PTPN12: variants seen among roughly 807,000 people sequenced by gnomAD.
The protein encoded by PTPN12 is tyrosine-protein phosphatase non-receptor type 12.
Under a neutral mutation model 97.6 loss-of-function variants are expected in PTPN12, and 29 were observed. The ratio of observed to expected loss-of-function variants is 0.30; its 90% CI spans 0.22 to 0.41. PTPN12 has a LOEUF of 0.41. PTPN12 is among the 10% of genes least tolerant of loss of function. PTPN12 has a pLI of 1.00. For missense variants in PTPN12, 819 were observed against 926.0 expected, an observed-to-expected ratio of 0.88 and a Z score of 1.50; for synonymous variants, 327 against 300.4, an observed-to-expected ratio of 1.09 and a Z score of -0.91.
At chr7:77,605,846 A>G (rs775452649) in intron 8 of PTPN12, among the ~76,000 whole-genome samples, 15 of 151,442 alleles carry the variant, frequency 9.9e-5, no homozygotes, top group Middle Eastern at 7.0e-3. Flanking sequence ...CTGTTGCTCA[A>G]TCCGTTTTCT....
chr7:77,559,403 T>G (rs117228665), intron 1 of PTPN12, among the ~76,000 whole-genome samples: 1 of 152,220 alleles, frequency 6.6e-6, no homozygotes. Context: ...GTTTTTTACA[T>G]GTGTGTATTA....
chr7:77,627,017 A>G lies in PTPN12; in HGVS notation c.1338A>G (p.Gly446=). Residue 446 remains glycine, a synonymous_variant, in exon 13 of 18, where the codon GGA becomes GGG. Transcript: ENST00000248594. The part of the protein sequence containing the change: ...FEIKKVPLQE[G]PKSFDGNTLL... The stretch of plus-strand genomic sequence containing the variant: ...TTAAGAAGGTCCCTCTCCAAGAGGG[A>G]CCAAAAAGTTTTGATGGGAACACAC... 6.2e-7 allele frequency: 1 copy of G among 1,607,958 alleles called. No homozygotes were observed. The highest frequency in any genetic ancestry group is 8.5e-7 in the Non-Finnish European group (1 of 1,178,158).
intron 13 of PTPN12, among the ~76,000 whole-genome samples, chr7:77,628,653 T>C (rs764264891): frequency 6.6e-6 from 1 of 151,602 alleles, no homozygotes; most frequent in Non-Finnish European, 1.5e-5. Flanking sequence ...AGATCTCGGC[T>C]CAGCCTCCCA....
chr7:77,610,856 T>A lies in PTPN12; in HGVS notation c.840+14T>A. 6.3e-7 allele frequency: 1 copy of A among 1,595,698 alleles called. No homozygotes were observed. The highest frequency in any genetic ancestry group is 8.5e-7 in the Non-Finnish European group (1 of 1,175,304). On this transcript the variant is annotated intron_variant, in intron 10 of 17. Coordinates refer to ENST00000248594, the MANE Select transcript of PTPN12 (RefSeq NM_002835.4). ...GTACAAACAAAGGTATAGTTGTTTG[T>A]TTCCCTTTATAAACTGCTATTTTAT...
At chr7:77,618,056 T>A (rs1420831428) in intron 11 of PTPN12, among the ~76,000 whole-genome samples, 1 of 151,874 alleles carries the variant, frequency 6.6e-6, no homozygotes, top group Non-Finnish European at 1.5e-5. Context: ...TAATGGGGAG[T>A]CATAAAAAGA....
Position 77,627,650 on chromosome 7 carries a change from A to G in PTPN12, c.1971A>G (p.Gly657=), listed in dbSNP as rs554595566. Residue 657 remains glycine, a synonymous_variant, in exon 13 of 18, where the codon GGA becomes GGG. Coordinates refer to ENST00000248594, the MANE Select transcript of PTPN12 (RefSeq NM_002835.4). ...PMSIARHNIA[G]TTHSGAEKDV... is the part of the protein sequence containing the mutation. ...CCATTGCTAGACATAATATAGCAGG[A>G]ACAACACATTCAGGTGCTGAAAAAG... is the stretch of plus-strand genomic sequence containing the variant. The G allele has an allele frequency of 5.8e-4, 914 of 1,588,876 alleles. 14 individuals carry two copies. The South Asian group carries it at 9.7e-3, about 17-fold the overall frequency.
At chr7:77,619,175 G>A (rs1372019838) in intron 12 of PTPN12, among the ~76,000 whole-genome samples, 1 of 152,002 alleles carries the variant, frequency 6.6e-6, no homozygotes, top group Non-Finnish European at 1.5e-5. Context: ...TGGGGAGAAG[G>A]AGTTGTTTAA....
intron 1 of PTPN12, chr7:77,537,981 G>GA (rs764138750): frequency 4.1e-6 from 4 of 973,602 alleles, no homozygotes; most frequent in African/African-American, 1.9e-5. Context: ...TGCAGGCCGG[G>GA]GGGGGGGGCT....
At chr7:77,621,279 T>C (rs1245258513) in intron 12 of PTPN12, among the ~76,000 whole-genome samples, 1 of 152,106 alleles carries the variant, frequency 6.6e-6, no homozygotes, top group Non-Finnish European at 1.5e-5. Flanking sequence ...TCCCCTATGA[T>C]AACAGTGCCC....
At chr7:77,542,293 TC>T (rs1807015134) in intron 1 of PTPN12, among the ~76,000 whole-genome samples, 2 of 152,156 alleles carry the variant, frequency 1.3e-5, no homozygotes, top group Admixed American at 6.6e-5. Context: ...CCAGCGTCAT[TC>T]CCCCATCTCA....
In PTPN12 at chr7:77,627,148, C is replaced by G. The variant is rs766399379; in HGVS notation, c.1469C>G (p.Thr490Ser). 1 of 1,614,114 alleles carries G rather than the reference C, an allele frequency of 6.2e-7. No homozygotes were observed. The change falls in exon 13 of 18, where the codon ACT becomes AGT. Residue 490 changes from threonine (T) to serine (S), a missense_variant. Thr to Ser is a moderately conservative substitution (Grantham distance 58). Transcript: ENST00000248594. ...AGTTCAGATCTAAATGTCGGTGATA[C>G]TTCCCAGAATTCTTGTGTGGACTGC... ...ELSSDLNVGD[T>S]SQNSCVDCSV... is the part of the protein sequence containing the mutation.
At chr7:77,539,840 C>A (rs904211281) in intron 1 of PTPN12, among the ~76,000 whole-genome samples, 1 of 152,056 alleles carries the variant, frequency 6.6e-6, no homozygotes, top group Non-Finnish European at 1.5e-5. Flanking sequence ...GCTACCACGC[C>A]CTGCTAATTT....
intron 7 of PTPN12, among the ~76,000 whole-genome samples, chr7:77,598,343 A>G (rs779489779): frequency 3.9e-5 from 6 of 152,182 alleles, no homozygotes; most frequent in Non-Finnish European, 7.3e-5. Context: ...CCTCAGCATT[A>G]TACAATACAC....
intron 1 of PTPN12, among the ~76,000 whole-genome samples, chr7:77,547,148 G>T (rs539304067): frequency 6.6e-6 from 1 of 151,862 alleles, no homozygotes; most frequent in South Asian, 2.1e-4. Context: ...ATCCATCCAT[G>T]GTCTCTGTCA....
chr7:77,634,542 C>T (rs62473722), intron 14 of PTPN12, among the ~76,000 whole-genome samples: 37,087 of 151,700 alleles, frequency 0.24, 4,767 homozygotes, highest in Non-Finnish European at 0.28. Context: ...TGGGTTCATG[C>T]CATTCTCCTG....
At chr7:77,537,732 T>G in intron 1 of PTPN12, 87 bp downstream of exon 1, 4 of 1,399,842 alleles carry the variant, frequency 2.9e-6, no homozygotes, top group South Asian at 1.3e-5. Flanking sequence ...GTGCTTTGTG[T>G]ACCTCTGTGA....
At chr7:77,598,735 C>G (rs1422289726) in intron 7 of PTPN12, among the ~76,000 whole-genome samples, 1 of 151,642 alleles carries the variant, frequency 6.6e-6, no homozygotes, top group African/African-American at 2.4e-5. Flanking sequence ...AAATATAATA[C>G]TACTACCTAA....
rs771674153 is a variant in PTPN12, at chr7:77,627,434, T to G, written c.1755T>G (p.Asp585Glu). Residue 585 changes from aspartate to glutamate, a missense_variant, in exon 13 of 18, where the codon GAT (aspartate) becomes GAG (glutamate). This residue lies in a region of PTPN12 where 607 missense variants were observed against 577.3 expected (regional missense o/e 1.05). Coordinates refer to ENST00000248594, the MANE Select transcript of PTPN12 (RefSeq NM_002835.4). ...QVETPDLVDHDNTSPLFRTPL... is the reference protein window; with the variant it reads ...QVETPDLVDHENTSPLFRTPL... Reference sequence around the variant, plus strand: ...AAACACCTGATCTTGTGGATCATGATAACACTTCACCACTCTTCAGAACAC... The same window carrying G: ...AAACACCTGATCTTGTGGATCATGAGAACACTTCACCACTCTTCAGAACAC... 6.2e-7 allele frequency: 1 copy of G among 1,614,152 alleles called. No individual in the cohort carries two copies. Among genetic ancestry groups the G allele is most frequent in the Non-Finnish European group, 8.5e-7 (1 of 1,179,984 alleles).
At chr7:77,559,747 G>A (rs183217290) in intron 1 of PTPN12, among the ~76,000 whole-genome samples, 10 of 145,308 alleles carry the variant, frequency 6.9e-5, no homozygotes, top group Admixed American at 4.4e-4. Context: ...GTGATGTTCC[G>A]AATGGGTTAT....
Sources: gnomAD v4.1 joint callset for allele counts (sites outside exome capture counted in the v4.1 genomes callset) on GRCh38, gnomAD v4.1.1 for gene constraint, gnomAD v4.1.1 regional missense constraint, MANE v1.5 for transcripts, NCBI Gene and HGNC (gene_info 2026-07-23, HGNC 2026-07-21) for gene names.